Variants in HAPSTR1 observed in about 807,000 individuals in gnomAD.
HAPSTR1 encodes the protein HUWE1-associated protein modifying stress responses 1.
At chr16:9,117,688 G>T in the HAPSTR1 span, 1 of 152,488 alleles carries the variant, frequency 6.6e-6, no homozygotes, top group Admixed American at 6.6e-5. Context: ...TATGGTAAAT[G>T]TAAACATGTA....
chr16:9,107,898 A>G, the HAPSTR1 span: 6 of 152,130 alleles, frequency 3.9e-5, no homozygotes, highest in African/African-American at 1.4e-4. Flanking sequence ...AGAACATAGC[A>G]AAGAACCTGA....
the HAPSTR1 span, chr16:9,092,890 TG>T: frequency 2.6e-6 from 4 of 1,528,426 alleles, no homozygotes; most frequent in African/African-American, 1.4e-5. Flanking sequence ...TTTTTCTTTT[TG>T]GTTTTTTTTT....
the HAPSTR1 span, among the ~76,000 whole-genome samples, chr16:9,098,145 A>G: frequency 3.9e-5 from 6 of 152,194 alleles, no homozygotes; most frequent in Admixed American, 3.9e-4. Context: ...AGCCTGACCA[A>G]CATGGAGAGA....
the HAPSTR1 span, among the ~76,000 whole-genome samples, chr16:9,095,193 T>C: frequency 4.6e-5 from 7 of 152,330 alleles, no homozygotes; most frequent in Non-Finnish European, 8.8e-5. Context: ...TTGTGTCTTG[T>C]GGAATTTGAT....
chr16:9,107,245 A>G, the HAPSTR1 span: 2 of 152,366 alleles, frequency 1.3e-5, no homozygotes, highest in East Asian at 1.9e-4. Context: ...CATTCAGCAC[A>G]TTCTCTATAT....
chr16:9,112,033 C>T, the HAPSTR1 span: 4 of 152,078 alleles, frequency 2.6e-5, no homozygotes, highest in East Asian at 3.9e-4. Flanking sequence ...CTTGGTGTGA[C>T]ACATGTATCT....
chr16:9,091,655 G>C, the HAPSTR1 span: 1 of 398,372 alleles, frequency 2.5e-6, no homozygotes, highest in East Asian at 3.6e-5. Context: ...CTCAGTCTTG[G>C]GGTGGGCTCC....
chr16:9,094,215 A>G, the HAPSTR1 span, among the ~76,000 whole-genome samples: 1 of 152,208 alleles, frequency 6.6e-6, no homozygotes, highest in African/African-American at 2.4e-5. Context: ...GGGAATGAGG[A>G]ACTGTAATAA....
chr16:9,117,269 T>C, the HAPSTR1 span: 1 of 219,978 alleles, frequency 4.5e-6, no homozygotes. Flanking sequence ...GCTTTTTTTT[T>C]TTTTGGGTCC....
chr16:9,102,379 TA>T, the HAPSTR1 span, among the ~76,000 whole-genome samples: 2 of 152,230 alleles, frequency 1.3e-5, no homozygotes, highest in African/African-American at 4.8e-5. Context: ...GCAGAGAATT[TA>T]GTCTAGGAGA....
the HAPSTR1 span, among the ~76,000 whole-genome samples, chr16:9,101,518 A>G: frequency 6.6e-6 from 1 of 152,174 alleles, no homozygotes; most frequent in African/African-American, 2.4e-5. Context: ...TTTTCATTTT[A>G]AAGTATTTTT....
the HAPSTR1 span, among the ~76,000 whole-genome samples, chr16:9,100,229 A>C: frequency 6.6e-6 from 1 of 152,302 alleles, no homozygotes; most frequent in South Asian, 2.1e-4. Context: ...CAGTTGCATA[A>C]TTTTTTAAAA....
chr16:9,117,904 C>T, the HAPSTR1 span: 1 of 152,598 alleles, frequency 6.6e-6, no homozygotes, highest in Non-Finnish European at 1.5e-5. Flanking sequence ...TTTTTATCTA[C>T]TAATAATGTG....
At chr16:9,096,234 C>T in the HAPSTR1 span, among the ~76,000 whole-genome samples, 3 of 152,294 alleles carry the variant, frequency 2.0e-5, no homozygotes, top group African/African-American at 7.2e-5. Flanking sequence ...AGTGAGTGCT[C>T]TGGCATTCAT....
the HAPSTR1 span, among the ~76,000 whole-genome samples, chr16:9,097,718 T>C: frequency 6.6e-6 from 1 of 152,212 alleles, no homozygotes; most frequent in Non-Finnish European, 1.5e-5. Context: ...CTCGCACACT[T>C]TGTTATCAGG....
the HAPSTR1 span, chr16:9,091,828 GGGAAGGCCTGGGGCGGGGGTC>G: frequency 2.5e-6 from 1 of 393,948 alleles, no homozygotes; most frequent in Non-Finnish European, 4.4e-6. Context: ...GCCCGGGGGT[GGGAAGGCCTGGGGCGGGGGTC>G]GTCCCTGGTT....
At chr16:9,121,231 G>A in the HAPSTR1 span, 2 of 152,224 alleles carry the variant, frequency 1.3e-5, no homozygotes, top group Admixed American at 6.5e-5. Flanking sequence ...TGGGATTACA[G>A]GCATGAGACA....
chr16:9,109,592 C>T, the HAPSTR1 span: 1 of 152,168 alleles, frequency 6.6e-6, no homozygotes. Context: ...ATTTCAGACT[C>T]AAAGGCCTCT....
chr16:9,106,142 C>G, the HAPSTR1 span: 1 of 152,190 alleles, frequency 6.6e-6, no homozygotes, highest in African/African-American at 2.4e-5. Context: ...GGTGCTGTGG[C>G]TCACACCTAT....
Sources: gnomAD v4.1 joint callset for allele counts (sites outside exome capture counted in the v4.1 genomes callset) on GRCh38, gnomAD v4.1.1 for gene constraint, MANE v1.5 for transcripts, NCBI Gene and HGNC (gene_info 2026-07-23, HGNC 2026-07-21) for gene names.